Variants in SLC25A12 observed in about 807,000 individuals in gnomAD.
SLC25A12 encodes the protein solute carrier family 25 member 12, also known as electrogenic aspartate/glutamate antiporter SLC25A12, mitochondrial.
Under a neutral mutation model 83.3 loss-of-function variants are expected in SLC25A12, and 32 were observed. The observed-to-expected ratio is 0.38, with a 90% CI of 0.29 to 0.52. The LOEUF is 0.52. Among genes scored for constraint, SLC25A12 ranks in the 20% least tolerant of loss-of-function variants. SLC25A12 has a pLI of 0.84. For missense variants in SLC25A12, 611 were observed against 835.6 expected, an observed-to-expected ratio of 0.73 and a Z score of 3.31; for synonymous variants, 267 against 291.1, an observed-to-expected ratio of 0.92 and a Z score of 0.84.
chr2:171,871,918 C>CCA (rs1685464786), intron 2 of SLC25A12: 1 of 91,736 alleles, frequency 1.1e-5, no homozygotes, highest in Non-Finnish European at 2.0e-5. Context: ...GACCCTGTCT[C>CCA]AAAAAAAAAA....
chr2:171,893,024 C>G (rs1685977751), intron 2 of SLC25A12, among the ~76,000 whole-genome samples, 181 bp downstream of exon 2: 1 of 151,622 alleles, frequency 6.6e-6, no homozygotes, highest in African/African-American at 2.4e-5. Context: ...TTTATCGACC[C>G]TTAATTAAAA....
chr2:171,880,054 G>C (rs1290025462), intron 2 of SLC25A12, among the ~76,000 whole-genome samples: 1 of 152,098 alleles, frequency 6.6e-6, no homozygotes, highest in Non-Finnish European at 1.5e-5. Flanking sequence ...ATCTTTAGGA[G>C]CTACATACTG....
chr2:171,818,225 T>C (rs1684095985), intron 9 of SLC25A12, among the ~76,000 whole-genome samples: 1 of 152,042 alleles, frequency 6.6e-6, no homozygotes, highest in Non-Finnish European at 1.5e-5. Flanking sequence ...AGGAAAACAC[T>C]CAGCACTAAG....
rs34276775 is a variant in SLC25A12, at chr2:171,875,910, C to CAAAAAAAAA, written c.67-7096_67-7088dup. On this transcript the variant is annotated intron_variant, in intron 2 of 17. Transcript: ENST00000422440. ...CCTGGGCGAGCGCAAGACTCTGTCT[C>CAAAAAAAAA]AAAAAAAAAAAAAAAAAAAAGAAAC... Among the ~76,000 whole-genome samples, 5 of 98,960 alleles carry CAAAAAAAAA rather than the reference C, an allele frequency of 5.1e-5. 1 individual carries two copies. Among genetic ancestry groups the CAAAAAAAAA allele is most frequent in the Admixed American group, 1.1e-4 (1 of 8,804 alleles). 64.9% of individuals were successfully genotyped at this position (98,960 alleles called of 152,430 possible).
At chr2:171,866,894 G>A (rs1685332775) in intron 3 of SLC25A12, among the ~76,000 whole-genome samples, 2 of 151,638 alleles carry the variant, frequency 1.3e-5, no homozygotes, top group South Asian at 2.1e-4. Context: ...CTGCCGGGCG[G>A]AGGGGCTCCT....
intron 2 of SLC25A12, among the ~76,000 whole-genome samples, chr2:171,887,859 C>A (rs1685852982): frequency 6.6e-6 from 1 of 152,130 alleles, no homozygotes; most frequent in Non-Finnish European, 1.5e-5. Flanking sequence ...CAGAAAAAGG[C>A]AGAATCTTAG....
chr2:171,892,136 A>C (rs1416987684), intron 2 of SLC25A12, among the ~76,000 whole-genome samples: 1 of 152,242 alleles, frequency 6.6e-6, no homozygotes, highest in Non-Finnish European at 1.5e-5. Flanking sequence ...AAGTGTCTTC[A>C]TAAGAACCCA....
intron 2 of SLC25A12, among the ~76,000 whole-genome samples, chr2:171,879,490 A>C (rs1012026803): frequency 6.6e-6 from 1 of 152,210 alleles, no homozygotes; most frequent in Non-Finnish European, 1.5e-5. Context: ...AAATCAATTG[A>C]AGCTACCATA....
chr2:171,868,046 C>CTA (rs1685374786), intron 3 of SLC25A12, among the ~76,000 whole-genome samples: 2 of 152,000 alleles, frequency 1.3e-5, no homozygotes, highest in Non-Finnish European at 2.9e-5. Flanking sequence ...TGGGGTTTCA[C>CTA]CATGTTAGCC....
chr2:171,834,654 G>C, intron 7 of SLC25A12, 73 bp downstream of exon 7: 1 of 1,519,352 alleles, frequency 6.6e-7, no homozygotes, highest in East Asian at 2.3e-5. Context: ...GGTAAGCTTA[G>C]ATCAACATCA....
chr2:171,834,924 G>C, intron 6 of SLC25A12, 59 bp from the exon 7 acceptor site: 2 of 1,551,750 alleles, frequency 1.3e-6, no homozygotes, highest in South Asian at 1.2e-5. Context: ...CACGTTTATG[G>C]ACACTGTACT....
Position 171,785,534 on chromosome 2 carries a change from A to G in SLC25A12, c.1836-59T>C, listed in dbSNP as rs945084106. On this transcript the variant is annotated intron_variant, in intron 17 of 17. Coordinates refer to ENST00000422440, the MANE Select transcript of SLC25A12 (RefSeq NM_003705.5). The stretch of plus-strand genomic sequence containing the variant: ...CTCAAGGTGGATGAGCGCAGCTTAC[A>G]GCTGGACATTTTCGGTCTGACCCAT... 40 of 1,514,624 alleles carry G rather than the reference A, an allele frequency of 2.6e-5. No individual in the cohort carries two copies. The African/African-American group carries it at 4.7e-4, about 18-fold the overall frequency. The allele number at this position is 1,514,624 out of a possible 1,614,324, so 93.8% of individuals were successfully genotyped here.
At chr2:171,862,931 A>G (rs1165605502) in intron 3 of SLC25A12, among the ~76,000 whole-genome samples, 1 of 152,044 alleles carries the variant, frequency 6.6e-6, no homozygotes, top group Non-Finnish European at 1.5e-5. Context: ...AGAATCTCAC[A>G]TTTTGCCCCT....
chr2:171,804,018 T>C (rs938324770), intron 13 of SLC25A12, among the ~76,000 whole-genome samples: 1 of 152,210 alleles, frequency 6.6e-6, no homozygotes, highest in East Asian at 1.9e-4. Flanking sequence ...AACATGTCCA[T>C]GCAAAACCTT....
At chr2:171,822,144 C>T (rs894563112) in intron 9 of SLC25A12, among the ~76,000 whole-genome samples, 8 of 152,194 alleles carry the variant, frequency 5.3e-5, no homozygotes, top group Admixed American at 5.2e-4. Context: ...TTTTTCCTCA[C>T]TTCCCATCCC....
At chr2:171,790,744 G>A (rs1389282277) in intron 15 of SLC25A12, among the ~76,000 whole-genome samples, 5 of 151,156 alleles carry the variant, frequency 3.3e-5, no homozygotes, top group Non-Finnish European at 7.4e-5. Flanking sequence ...CTCTCACTCT[G>A]TCACCCAGGC....
intron 2 of SLC25A12, 65 bp downstream of exon 2, chr2:171,893,140 T>TAGG (rs1172718129): frequency 7.8e-7 from 1 of 1,282,752 alleles, no homozygotes; most frequent in Non-Finnish European, 1.1e-6. Context: ...AAGGCATGAA[T>TAGG]AGGACTAAGG....
At chr2:171,875,053 T>A (rs1437338076) in intron 2 of SLC25A12, among the ~76,000 whole-genome samples, 1 of 152,192 alleles carries the variant, frequency 6.6e-6, no homozygotes, top group Admixed American at 6.5e-5. Context: ...ACGTTGTAAC[T>A]TTCCCTTAGC....
rs1050571245 is a variant in SLC25A12 at position 171,856,031 on chromosome 2, G to A, written c.210-82C>T. On this transcript the variant is annotated intron_variant, in intron 3 of 17. Transcript: ENST00000422440. ...TTAATCTGCCTTTACTATATAAACT[G>A]TAGCTCAGGGTAACCAAATAATTGA... is the stretch of plus-strand genomic sequence containing the variant. The A allele has an allele frequency of 5.0e-6, 4 of 805,490 alleles. No homozygotes were observed. The African/African-American group carries it at 6.8e-5, about 14-fold the overall frequency. 49.9% of individuals were successfully genotyped at this position (805,490 alleles called of 1,614,324 possible).
Sources: allele counts gnomAD v4.1 joint callset (sites outside exome capture counted in the v4.1 genomes callset), GRCh38; gene constraint gnomAD v4.1.1; transcripts MANE v1.5; gene names NCBI Gene and HGNC (gene_info 2026-07-23, HGNC 2026-07-21).